Variants in BCAS3 observed in about 807,000 individuals in gnomAD.
BCAS3 encodes the protein BCAS3 microtubule associated cell migration factor.
BCAS3 carries 53 observed loss-of-function variants against 116.1 expected under a neutral mutation model. That is an observed-to-expected ratio of 0.46 (90% CI 0.37 to 0.57). BCAS3 has a LOEUF of 0.57. BCAS3 is among the 20% of genes least tolerant of loss of function. The pLI, the probability that BCAS3 is intolerant of heterozygous loss-of-function variation, is 0.00. For missense variants in BCAS3, 917 were observed against 1,165.4 expected (o/e 0.79, Z 3.10); for synonymous variants, 391 against 408.2 (o/e 0.96, Z 0.51).
Position 61,239,166 on chromosome 17 carries a change from C to CA in BCAS3, c.2426-129156dup, listed in dbSNP as rs2083287180. On this transcript the variant is annotated intron_variant, in intron 22 of 23. Transcript: ENST00000407086. The surrounding 1 kb of genome is among the most constrained non-coding windows in gnomAD (Gnocchi z 4.2). ...TGAGCTCATTTTTGAAATGCAAAAGCAAAAAGGAATAAAATAGCAGGTTAC... is the reference window on the plus strand; with the variant it reads ...TGAGCTCATTTTTGAAATGCAAAAGCAAAAAAGGAATAAAATAGCAGGTTAC... Among the ~76,000 whole-genome samples the CA allele has an allele frequency of 6.6e-6, 1 of 151,856 alleles. No individual in the cohort carries two copies. The highest frequency in any genetic ancestry group is 2.4e-5 in the African/African-American group (1 of 41,356).
At chr17:60,919,340 T>C (rs190411521) in intron 12 of BCAS3, among the ~76,000 whole-genome samples, 1 of 152,332 alleles carries the variant, frequency 6.6e-6, no homozygotes, top group Non-Finnish European at 1.5e-5. Flanking sequence ...TTTTTTTTTC[T>C]TGAGACGAAG....
chr17:60,701,544 CTT>C (rs758922452), intron 4 of BCAS3, among the ~76,000 whole-genome samples: 13 of 152,090 alleles, frequency 8.5e-5, no homozygotes, highest in Non-Finnish European at 1.5e-4. Context: ...TTGTGTGACA[CTT>C]TGACAAAACT....
chr17:60,971,208 T>C (rs1396071295), intron 14 of BCAS3, among the ~76,000 whole-genome samples: 3 of 152,194 alleles, frequency 2.0e-5, no homozygotes, highest in Non-Finnish European at 4.4e-5. Context: ...CTGCGAGTGT[T>C]TAGTCTTCCT....
chr17:61,077,732 T>C lies in BCAS3; in HGVS notation c.2131-601T>C, dbSNP rs2072161264. ...GAGAAAATATATAATAATGTTTTCA[T>C]TTAAAAGTGGATTGGGGTAATATTA... On this transcript the variant is annotated intron_variant, in intron 20 of 23. Transcript: ENST00000407086. The surrounding 1 kb of genome is among the most constrained non-coding windows in gnomAD (Gnocchi z 4.3). Among the ~76,000 whole-genome samples the C allele has an allele frequency of 6.6e-6, 1 of 152,222 alleles. No individual in the cohort carries two copies.
At chr17:60,937,825 A>G (rs568511036) in intron 13 of BCAS3, among the ~76,000 whole-genome samples, 1 of 152,306 alleles carries the variant, frequency 6.6e-6, no homozygotes, top group South Asian at 2.1e-4. Flanking sequence ...TCCAGCAATT[A>G]TTGTCTATGA....
rs187825858 is a variant in BCAS3 at position 61,008,993 on chromosome 17, T to C, written c.1487-6758T>C. On this transcript the variant is annotated intron_variant, in intron 15 of 23. Coordinates refer to ENST00000407086, the MANE Select transcript of BCAS3 (RefSeq NM_017679.5). The surrounding 1 kb of genome is among the most constrained non-coding windows in gnomAD (Gnocchi z 4.6). ...GACACTAGGTGAGGAGCTTATATCC[T>C]AGAACAATAGTGGGTGTTGTAGATA... Among the ~76,000 whole-genome samples the C allele has an allele frequency of 6.6e-6, 1 of 152,126 alleles. No homozygotes were observed. Among genetic ancestry groups the C allele is most frequent in the Admixed American group, 6.6e-5 (1 of 15,246 alleles).
chr17:60,787,116 A>T (rs1362307758), intron 6 of BCAS3, among the ~76,000 whole-genome samples: 1 of 152,204 alleles, frequency 6.6e-6, no homozygotes. Flanking sequence ...ATTATTTGCC[A>T]CTAAACATAT....
chr17:61,143,386 T>A (rs2077026594), intron 22 of BCAS3, among the ~76,000 whole-genome samples: 1 of 152,164 alleles, frequency 6.6e-6, no homozygotes. Context: ...GGGAAAAAAA[T>A]AATGAAATTT....
At chr17:60,810,350 G>T (rs913562674) in intron 7 of BCAS3, 3 of 447,234 alleles carry the variant, frequency 6.7e-6, no homozygotes, top group African/African-American at 2.0e-5. Flanking sequence ...GGGTCCAGGG[G>T]CCTGGTTGTG....
intron 4 of BCAS3, among the ~76,000 whole-genome samples, chr17:60,694,185 C>G (rs1177945252): frequency 1.1e-3 from 168 of 148,762 alleles, no homozygotes; most frequent in African/African-American, 4.1e-3. Context: ...CGCGCCCGGC[C>G]AAACATTTTA....
intron 22 of BCAS3, among the ~76,000 whole-genome samples, chr17:61,149,148 G>C (rs2077405701): frequency 6.6e-6 from 1 of 152,048 alleles, no homozygotes; most frequent in South Asian, 2.1e-4. Context: ...TTGCCAGAAA[G>C]AGATATCAGT....
chr17:61,010,354 T>C (rs1420721537), intron 15 of BCAS3, among the ~76,000 whole-genome samples: 2 of 152,000 alleles, frequency 1.3e-5, no homozygotes, highest in Admixed American at 6.6e-5. Flanking sequence ...GTCATTCTCA[T>C]ATATGCAGAC....
intron 7 of BCAS3, among the ~76,000 whole-genome samples, chr17:60,859,598 C>T (rs1328673532): frequency 1.4e-5 from 2 of 148,046 alleles, no homozygotes; most frequent in African/African-American, 5.1e-5. Context: ...GATGGAGTCT[C>T]GCTCCTGTCG....
intron 7 of BCAS3, among the ~76,000 whole-genome samples, chr17:60,833,688 A>G (rs1399314414): frequency 1.3e-5 from 2 of 152,212 alleles, no homozygotes; most frequent in Non-Finnish European, 2.9e-5. Context: ...TTCGGTACAT[A>G]TGTTTACAAA....
At position 61,367,461 on chromosome 17, in the gene BCAS3, C is replaced by T. The variant is rs190704871; in HGVS notation, c.2426-866C>T. ...TTAGCGTTCAGCAGAACACCACAGA[C>T]GTTTTGGAATTGGGGAGCAGCTTTG... On this transcript the variant is annotated intron_variant, in intron 22 of 23. Coordinates refer to ENST00000407086, the MANE Select transcript of BCAS3 (RefSeq NM_017679.5). This position sits in a 1 kb window ranked among gnomAD's most constrained non-coding sequence, Gnocchi z 6.2. 5.2e-5 allele frequency: 8 copies of T among 152,388 alleles called. No individual in the cohort carries two copies. Among genetic ancestry groups the T allele is most frequent in the Non-Finnish European group, 7.3e-5 (5 of 68,036 alleles). 9.4% of individuals were successfully genotyped at this position (152,388 alleles called of 1,614,324 possible).
intron 6 of BCAS3, among the ~76,000 whole-genome samples, chr17:60,799,684 A>ACG (rs1355666680): frequency 7.2e-6 from 1 of 138,042 alleles, no homozygotes; most frequent in Non-Finnish European, 1.5e-5. Context: ...GCGCGCCACT[A>ACG]CGCCTGGCTA....
chr17:61,059,037 C>T (rs992276848), intron 19 of BCAS3, among the ~76,000 whole-genome samples: 1 of 143,668 alleles, frequency 7.0e-6, no homozygotes, highest in African/African-American at 2.6e-5. Flanking sequence ...GGCAGATAAC[C>T]TCCCCGAACT....
intron 7 of BCAS3, among the ~76,000 whole-genome samples, chr17:60,818,672 A>G (rs536487601): frequency 6.6e-6 from 1 of 152,246 alleles, no homozygotes; most frequent in Non-Finnish European, 1.5e-5. Context: ...GGACTCTTCC[A>G]GCAGTTCCTT....
intron 22 of BCAS3, among the ~76,000 whole-genome samples, chr17:61,147,378 A>C (rs1025390104): frequency 9.9e-5 from 15 of 151,758 alleles, no homozygotes; most frequent in Non-Finnish European, 1.9e-4. Flanking sequence ...ACCCGGCCAT[A>C]CCTGGCTAAT....
Sources: allele counts gnomAD v4.1 joint callset (sites outside exome capture counted in the v4.1 genomes callset), GRCh38; gene constraint gnomAD v4.1.1; non-coding constraint Gnocchi (gnomAD v3.1); transcripts MANE v1.5; gene names NCBI Gene and HGNC (gene_info 2026-07-23, HGNC 2026-07-21).